GRIN2B: variants seen among roughly 807,000 people sequenced by gnomAD.
The protein encoded by GRIN2B is glutamate ionotropic receptor NMDA type subunit 2B, also known as glutamate receptor ionotropic, NMDA 2B.
Under a neutral mutation model 114.5 loss-of-function variants are expected in GRIN2B, and 5 were observed. The observed-to-expected ratio is 0.04, with a 90% CI of 0.02 to 0.09. The LOEUF (loss-of-function observed/expected upper bound fraction) is 0.09. Ranked by LOEUF, GRIN2B falls within the 10% of genes least tolerant of loss-of-function variation. The probability of loss-of-function intolerance (pLI) is 1.00; values close to 1 mark genes in which losing one functional copy is unlikely to be tolerated. For synonymous variants in GRIN2B, 787 were observed against 745.1 expected, an observed-to-expected ratio of 1.06 and a Z score of -0.92; for missense variants, 1,108 against 1,943.5, an observed-to-expected ratio of 0.57 and a Z score of 8.08.
intron 4 of GRIN2B, among the ~76,000 whole-genome samples, chr12:13,712,074 T>C (rs1485099995): frequency 6.6e-6 from 1 of 152,150 alleles, no homozygotes; most frequent in East Asian, 1.9e-4. Context: ...TCATGTCCTT[T>C]GTAGGGACAT....
At chr12:13,736,464 C>CT (rs1376678753) in intron 4 of GRIN2B, among the ~76,000 whole-genome samples, 1 of 152,088 alleles carries the variant, frequency 6.6e-6, no homozygotes, top group African/African-American at 2.4e-5. Context: ...ACTAAAATGT[C>CT]CAGGTCTTAA....
At chr12:13,942,396 C>CACTA (rs34464239) in intron 2 of GRIN2B, among the ~76,000 whole-genome samples, 96,437 of 151,826 alleles carry the variant, frequency 0.64, 31,154 homozygotes, top group East Asian at 0.95. Flanking sequence ...CAGGCACAGG[C>CACTA]ACTATTTGGG....
intron 5 of GRIN2B, among the ~76,000 whole-genome samples, chr12:13,675,067 G>A (rs866458365): frequency 6.6e-6 from 1 of 152,126 alleles, no homozygotes; most frequent in African/African-American, 2.4e-5. Context: ...AATACTAATT[G>A]AGTGCTTACT....
chr12:13,628,990 C>T (rs1212824394), intron 5 of GRIN2B, among the ~76,000 whole-genome samples: 8 of 151,874 alleles, frequency 5.3e-5, no homozygotes. Context: ...AGGTCAAAGT[C>T]ATTTAAAATA....
chr12:13,621,737 A>G (rs1189875675), intron 5 of GRIN2B, among the ~76,000 whole-genome samples: 1 of 144,738 alleles, frequency 6.9e-6, no homozygotes, highest in Non-Finnish European at 1.5e-5. Context: ...AGGAAAGTCT[A>G]CCTTACAAAC....
At position 13,610,334 on chromosome 12, in the gene GRIN2B, G is replaced by A. The variant is rs144410530; in HGVS notation, c.1780+1391C>T. Among the ~76,000 whole-genome samples, 279 of 152,274 alleles carry A rather than the reference G, an allele frequency of 1.8e-3. 3 individuals carry two copies. Among genetic ancestry groups the A allele is most frequent in the African/African-American group, 6.4e-3 (264 of 41,550 alleles). On this transcript the variant is annotated intron_variant, in intron 9 of 13. Coordinates refer to ENST00000609686, the MANE Select transcript of GRIN2B (RefSeq NM_000834.5). ...GTAAAGTGAGTAATTGTAAGCCCTC[G>A]CTCTGAGCTTTCTTTGCAAATCTGG...
chr12:13,867,767 A>C (rs1005976794), intron 2 of GRIN2B, among the ~76,000 whole-genome samples: 5 of 152,098 alleles, frequency 3.3e-5, no homozygotes, highest in African/African-American at 1.2e-4. Flanking sequence ...TAAACACAGC[A>C]TTTTAATACT....
rs948530902 is a variant in GRIN2B, at chr12:13,567,399, G to T, written c.2360-136C>A. 9.0e-6 allele frequency: 6 copies of T among 669,212 alleles called. No individual in the cohort carries two copies. In the East Asian group the frequency reaches 1.4e-4, roughly 15 times the overall value. 41.5% of individuals were successfully genotyped at this position (669,212 alleles called of 1,614,324 possible). A position where few individuals can be genotyped will look rare whatever the true frequency, so the allele number is the denominator to read the frequency against. On this transcript the variant is annotated intron_variant, in intron 12 of 13. Transcript: ENST00000609686. ...AAAGAGACAAGGAGACAAAAAGAAA[G>T]GAAATGAATAAAGTTAACAGTAATC...
chr12:13,630,831 C>A lies in GRIN2B; in HGVS notation c.1126-14174G>T, dbSNP rs199715693. ...GTTGTTACACAGCAATATTCTCACA[C>A]TGCTAAAAAGTACTACCTTACACTG... On this transcript the variant is annotated intron_variant, in intron 5 of 13. Transcript: ENST00000609686. Among the ~76,000 whole-genome samples, 13 of 152,268 alleles carry A rather than the reference C, an allele frequency of 8.5e-5. No homozygotes were observed. The South Asian group carries it at 2.7e-3, about 32-fold the overall frequency.
chr12:13,692,856 C>T (rs1369548607), intron 4 of GRIN2B, among the ~76,000 whole-genome samples: 1 of 144,320 alleles, frequency 6.9e-6, no homozygotes, highest in African/African-American at 2.6e-5. Context: ...GCAACGTCCA[C>T]CTCCTGGGTT....
At chr12:13,573,866 A>G (rs1192664875) in intron 10 of GRIN2B, among the ~76,000 whole-genome samples, 1 of 152,216 alleles carries the variant, frequency 6.6e-6, no homozygotes, top group African/African-American at 2.4e-5. Context: ...GGTTAAAACT[A>G]GAGTCATGCC....
At chr12:13,721,207 A>C (rs1950505507) in intron 4 of GRIN2B, among the ~76,000 whole-genome samples, 1 of 152,092 alleles carries the variant, frequency 6.6e-6, no homozygotes, top group African/African-American at 2.4e-5. Context: ...GCACATTTGA[A>C]GAAAAGGAAA....
chr12:13,889,543 T>C (rs1866223862), intron 2 of GRIN2B, among the ~76,000 whole-genome samples: 1 of 152,178 alleles, frequency 6.6e-6, no homozygotes, highest in Non-Finnish European at 1.5e-5. Context: ...TATGCATGTA[T>C]TAAATACCCA....
At chr12:13,886,063 T>C (rs1866151989) in intron 2 of GRIN2B, among the ~76,000 whole-genome samples, 1 of 152,060 alleles carries the variant, frequency 6.6e-6, no homozygotes, top group African/African-American at 2.4e-5. Context: ...AAGCCAATTG[T>C]CCCCCAACCC....
chr12:13,707,863 T>C (rs1394189563), intron 4 of GRIN2B, among the ~76,000 whole-genome samples: 1 of 152,052 alleles, frequency 6.6e-6, no homozygotes, highest in African/African-American at 2.4e-5. Context: ...TTGTAACACG[T>C]AAAATATACA....
intron 5 of GRIN2B, among the ~76,000 whole-genome samples, chr12:13,636,574 G>A (rs1949667957): frequency 1.3e-5 from 2 of 152,096 alleles, no homozygotes; most frequent in Non-Finnish European, 2.9e-5. Context: ...TGTTTGACAG[G>A]TGGAGATAAG....
At chr12:13,780,983 G>A (rs1325236727) in intron 3 of GRIN2B, among the ~76,000 whole-genome samples, 1 of 152,128 alleles carries the variant, frequency 6.6e-6, no homozygotes, top group Non-Finnish European at 1.5e-5. Context: ...AATATTTTCT[G>A]ATCACAGATG....
At chr12:13,602,407 G>A (rs773176555) in intron 10 of GRIN2B, among the ~76,000 whole-genome samples, 6 of 152,196 alleles carry the variant, frequency 3.9e-5, no homozygotes, top group South Asian at 2.1e-4. Context: ...TGGTCTGAGC[G>A]AGATGTTCTG....
At chr12:13,607,202 T>A (rs1280714393) in intron 10 of GRIN2B, among the ~76,000 whole-genome samples, 1 of 110,156 alleles carries the variant, frequency 9.1e-6, no homozygotes, top group Non-Finnish European at 1.7e-5. Flanking sequence ...AAAATATATA[T>A]AATATATAAA....
Sources: allele counts gnomAD v4.1 joint callset (sites outside exome capture counted in the v4.1 genomes callset), GRCh38; gene constraint gnomAD v4.1.1; transcripts MANE v1.5; gene names NCBI Gene and HGNC (gene_info 2026-07-23, HGNC 2026-07-21).